The following ANKRD17 variants were observed in gnomAD, a reference collection of about 807,000 sequenced individuals.
The protein encoded by ANKRD17 is ankyrin repeat domain-containing protein 17.
In ANKRD17, 19 loss-of-function variants were observed where a neutral mutation model predicts 229.7. The ratio of observed to expected loss-of-function variants is 0.08; its 90% CI spans 0.06 to 0.12. ANKRD17 has a LOEUF of 0.12. Ranked by LOEUF, ANKRD17 falls within the 10% of genes least tolerant of loss-of-function variation. The pLI is 1.00. For synonymous variants in ANKRD17, 1,112 were observed against 1,146.1 expected, an observed-to-expected ratio of 0.97 and a Z score of 0.60; for missense variants, 2,176 against 3,176.8, an observed-to-expected ratio of 0.68 and a Z score of 7.57.
intron 31 of ANKRD17, among the ~76,000 whole-genome samples, chr4:73,078,347 G>A (rs1377144342): frequency 1.1e-4 from 17 of 151,766 alleles, no homozygotes; most frequent in Non-Finnish European, 1.5e-5. Flanking sequence ...GCTGCAGTCC[G>A]GCCTGGGTTA....
intron 2 of ANKRD17, among the ~76,000 whole-genome samples, chr4:73,164,250 G>A (rs1226017658): frequency 2.0e-5 from 3 of 152,162 alleles, no homozygotes; most frequent in African/African-American, 7.2e-5. Context: ...AACTAGGCAA[G>A]AGGACAGATC....
intron 1 of ANKRD17, among the ~76,000 whole-genome samples, chr4:73,211,354 TAA>T (rs900100989): frequency 1.6e-4 from 24 of 152,114 alleles, no homozygotes; most frequent in African/African-American, 5.3e-4. Context: ...CGGTTGAGAT[TAA>T]GTGTTGTAAA....
chr4:73,110,125 T>C (rs923125970), intron 24 of ANKRD17, among the ~76,000 whole-genome samples: 3 of 149,804 alleles, frequency 2.0e-5, no homozygotes, highest in Admixed American at 6.6e-5. Flanking sequence ...GAAATAATTA[T>C]ATCAAAAATG....
intron 25 of ANKRD17, chr4:73,100,954 TG>T (rs1723906395): frequency 1.0e-6 from 1 of 985,204 alleles, no homozygotes; most frequent in South Asian, 4.7e-5. Context: ...AACACTAGAT[TG>T]AAAGTATTCA....
Position 73,091,176 on chromosome 4 carries a change from G to A in ANKRD17, c.6452C>T (p.Ser2151Phe). 1.2e-6 allele frequency: 2 copies of A among 1,614,188 alleles called. No individual in the cohort carries two copies. The highest frequency in any genetic ancestry group is 1.7e-6 in the Non-Finnish European group (2 of 1,180,034). ...ATSSAPVAVP[S>F]TAPVTYPMPQ... is the part of the protein sequence containing the mutation. Reference sequence around the variant, plus strand: ...CATAGGGTAAGTCACTGGGGCAGTAGAAGGCACCGCCACTGGAGCAGAACT... The same window carrying A: ...CATAGGGTAAGTCACTGGGGCAGTAAAAGGCACCGCCACTGGAGCAGAACT... The change falls in exon 29 of 34, where the codon TCT becomes TTT. Residue 2151 changes from serine (S) to phenylalanine (F), a missense_variant. Physicochemically the swap from Ser to Phe is radical, Grantham distance 155. Coordinates refer to ENST00000358602, the MANE Select transcript of ANKRD17 (RefSeq NM_032217.5).
chr4:73,210,940 T>C lies in ANKRD17; in HGVS notation c.394-33407A>G, dbSNP rs183459388. ...TGTATATTACATACATTTTTCTGTA[T>C]AATCCATTTTCCTTTGGTCTTAATT... On this transcript the variant is annotated intron_variant, in intron 1 of 33. Transcript: ENST00000358602. Among the ~76,000 whole-genome samples, 20 of 152,286 alleles carry C rather than the reference T, an allele frequency of 1.3e-4. No homozygotes were observed. In the East Asian group the frequency reaches 3.5e-3, roughly 26 times the overall value.
At chr4:73,191,733 A>G (rs1470406426) in intron 1 of ANKRD17, among the ~76,000 whole-genome samples, 1 of 152,050 alleles carries the variant, frequency 6.6e-6, no homozygotes, top group Admixed American at 6.6e-5. Context: ...TAGGATAAAT[A>G]CGAATGCCCA....
chr4:73,183,762 G>A (rs1390951501), intron 1 of ANKRD17, among the ~76,000 whole-genome samples: 4 of 152,076 alleles, frequency 2.6e-5, no homozygotes, highest in Non-Finnish European at 4.4e-5. Flanking sequence ...CTTTTACCCG[G>A]TCTATAGAGT....
intron 16 of ANKRD17, among the ~76,000 whole-genome samples, chr4:73,126,709 C>T (rs1727515560): frequency 6.6e-6 from 1 of 152,112 alleles, no homozygotes; most frequent in Admixed American, 6.5e-5. Context: ...AGCAAACTAT[C>T]TAATTTCTCA....
At chr4:73,148,537 T>C (rs938877153) in intron 8 of ANKRD17, among the ~76,000 whole-genome samples, 3 of 152,172 alleles carry the variant, frequency 2.0e-5, no homozygotes, top group African/African-American at 7.2e-5. Context: ...GGCTCTTATA[T>C]TCCCCTATTT....
chr4:73,145,460 A>T (rs1032581323), intron 10 of ANKRD17, among the ~76,000 whole-genome samples: 4 of 152,184 alleles, frequency 2.6e-5, no homozygotes, highest in Non-Finnish European at 5.9e-5. Flanking sequence ...AATCAAGAAC[A>T]CTACTGGTGA....
chr4:73,251,455 A>G (rs1201115630), intron 1 of ANKRD17, among the ~76,000 whole-genome samples: 4 of 152,100 alleles, frequency 2.6e-5, no homozygotes, highest in African/African-American at 9.7e-5. Flanking sequence ...TGTACCAGAT[A>G]GGTAAGATTC....
chr4:73,225,593 C>T (rs959980458), intron 1 of ANKRD17, among the ~76,000 whole-genome samples: 3 of 152,064 alleles, frequency 2.0e-5, no homozygotes, highest in Non-Finnish European at 2.9e-5. Flanking sequence ...GTGGCTCATG[C>T]CTGTCCTGTA....
At chr4:73,089,921 A>G (rs1017904183) in intron 29 of ANKRD17, among the ~76,000 whole-genome samples, 1 of 152,148 alleles carries the variant, frequency 6.6e-6, no homozygotes, top group African/African-American at 2.4e-5. Flanking sequence ...ATTAATTTAA[A>G]TTTAAAAAGT....
chr4:73,211,969 T>C lies in ANKRD17; in HGVS notation c.394-34436A>G, dbSNP rs188460936. On this transcript the variant is annotated intron_variant, in intron 1 of 33. Transcript: ENST00000358602. ...AAACACAGGAATAAAGAAAAATGTA[T>C]AGTATTTCAAATGATGTACAAAGCT... Among the ~76,000 whole-genome samples the C allele has an allele frequency of 8.0e-4, 121 of 151,860 alleles. 1 individual carries two copies. Among genetic ancestry groups the C allele is most frequent in the Admixed American group, 6.2e-3 (95 of 15,232 alleles).
At chr4:73,152,422 T>C (rs1036583511) in intron 6 of ANKRD17, among the ~76,000 whole-genome samples, 1 of 152,170 alleles carries the variant, frequency 6.6e-6, no homozygotes, top group Admixed American at 6.5e-5. Flanking sequence ...AGTCTCAGCC[T>C]GACTTGTCTC....
intron 1 of ANKRD17, chr4:73,223,206 T>C (rs1030776149): frequency 1.2e-5 from 6 of 504,488 alleles, no homozygotes; most frequent in African/African-American, 4.0e-5. Flanking sequence ...CTGTGTATTT[T>C]TTAAAGATAC....
chr4:73,118,994 CT>C (rs905829646), intron 21 of ANKRD17, 144 bp from the exon 22 acceptor site: 1 of 803,476 alleles, frequency 1.2e-6, no homozygotes, highest in Admixed American at 3.0e-5. Flanking sequence ...TCATATGATT[CT>C]CCTACCTCAG....
intron 8 of ANKRD17, among the ~76,000 whole-genome samples, chr4:73,148,417 C>A (rs532237665): frequency 2.0e-5 from 3 of 152,152 alleles, no homozygotes; most frequent in Non-Finnish European, 4.4e-5. Flanking sequence ...GTCTTTACTG[C>A]GTGGTTTCCC....
Sources: gnomAD v4.1 joint callset for allele counts (sites outside exome capture counted in the v4.1 genomes callset) on GRCh38, gnomAD v4.1.1 for gene constraint, MANE v1.5 for transcripts, NCBI Gene and HGNC (gene_info 2026-07-23, HGNC 2026-07-21) for gene names.